The following TMEM184C variants were observed in gnomAD, a reference collection of about 807,000 sequenced individuals.
TMEM184C encodes the protein transmembrane protein 184C.
A neutral mutation model predicts 54.5 loss-of-function variants in TMEM184C; 25 were observed. The observed-to-expected ratio is 0.46, with a 90% CI of 0.33 to 0.64. TMEM184C has a LOEUF of 0.64. Ranked by LOEUF, TMEM184C falls within the 30% of genes least tolerant of loss-of-function variation. The pLI is 0.02. For synonymous variants in TMEM184C, 148 were observed against 181.5 expected, an observed-to-expected ratio of 0.82 and a Z score of 1.49; for missense variants, 335 against 520.3, an observed-to-expected ratio of 0.64 and a Z score of 3.46.
intron 1 of TMEM184C, among the ~76,000 whole-genome samples, chr4:147,623,140 A>C (rs1393304198): frequency 6.6e-6 from 1 of 152,134 alleles, no homozygotes; most frequent in Non-Finnish European, 1.5e-5. Context: ...GAGGAAGAAA[A>C]AGTCCTGTTC....
In TMEM184C at chr4:147,634,466, A is replaced by G. The variant is rs1732976643; in HGVS notation, c.*32A>G. On this transcript the variant is annotated 3_prime_UTR_variant, in exon 10 of 10. Transcript: ENST00000296582. ...TGGAAAAGCAAACTGTGCAACTACT[A>G]CATTATATCATTACCTGGTATCCCA... 1 of 1,598,704 alleles carries G rather than the reference A, an allele frequency of 6.3e-7. No individual in the cohort carries two copies. Among genetic ancestry groups the G allele is most frequent in the African/African-American group, 1.3e-5 (1 of 74,526 alleles).
chr4:147,623,912 T>C lies in TMEM184C; in HGVS notation c.202T>C (p.Leu68=). 11 of 1,613,966 alleles carry C rather than the reference T, an allele frequency of 6.8e-6. No individual in the cohort carries two copies. Among genetic ancestry groups the C allele is most frequent in the Non-Finnish European group, 9.3e-6 (11 of 1,179,858 alleles). ...TATTCCTATATCACTGTGGGTGATATTGCAACACTTAGTGCATTATACACA... is the reference window on the plus strand; with the variant it reads ...TATTCCTATATCACTGTGGGTGATACTGCAACACTTAGTGCATTATACACA... The part of the protein sequence containing the change: ...LTIPISLWVI[L]QHLVHYTQPE... The change falls in exon 2 of 10, where the codon TTG becomes CTG. Residue 68 remains leucine, a synonymous_variant. Transcript: ENST00000296582.
In TMEM184C at chr4:147,634,349, C is replaced by T. The variant is rs1265076700; in HGVS notation, c.1232C>T (p.Pro411Leu). Residue 411 changes from proline (P) to leucine (L), a missense_variant, in exon 10 of 10, where the codon CCT becomes CTT. Transcript: ENST00000296582. ...CACACTGTGACTCCCCAGACTACACCTACCACAGCTAAGATATCTGATGAA... is the reference window on the plus strand; with the variant it reads ...CACACTGTGACTCCCCAGACTACACTTACCACAGCTAAGATATCTGATGAA... ...FGHTVTPQTT[P>L]TTAKISDEIL... The T allele has an allele frequency of 1.2e-6, 2 of 1,614,044 alleles. No individual in the cohort carries two copies. The highest frequency in any genetic ancestry group is 1.7e-6 in the Non-Finnish European group (2 of 1,180,032).
At chr4:147,628,293 A>T in intron 4 of TMEM184C, 68 bp from the exon 5 acceptor site, 1 of 1,243,948 alleles carries the variant, frequency 8.0e-7, no homozygotes. Context: ...TTTAATTTGG[A>T]GGCTTTGGGG....
At chr4:147,629,975 A>C (rs1732886348) in intron 6 of TMEM184C, among the ~76,000 whole-genome samples, 1 of 151,686 alleles carries the variant, frequency 6.6e-6, no homozygotes, top group Admixed American at 6.6e-5. Flanking sequence ...TAGCTGTATG[A>C]GTATGTCATA....
intron 9 of TMEM184C, 84 bp from the exon 10 acceptor site, chr4:147,634,085 G>A (rs1732964857): frequency 3.9e-6 from 6 of 1,533,520 alleles, no homozygotes; most frequent in Non-Finnish European, 4.4e-6. Context: ...AGTGGGAGAG[G>A]GGGAAGTGGG....
chr4:147,629,283 G>T (rs1732867316), intron 5 of TMEM184C, among the ~76,000 whole-genome samples: 2 of 150,722 alleles, frequency 1.3e-5, no homozygotes, highest in Admixed American at 6.6e-5. Context: ...CAGCATAGTT[G>T]TTTTTTTTTA....
At chr4:147,618,239 G>A (rs1644387621) in intron 1 of TMEM184C, among the ~76,000 whole-genome samples, 160 bp downstream of exon 1, 1 of 152,136 alleles carries the variant, frequency 6.6e-6, no homozygotes, top group South Asian at 2.1e-4. Flanking sequence ...TCTTGTTCAC[G>A]GTTCTTCAAG....
rs1733013829 is a variant in TMEM184C, at chr4:147,635,622, T to C, written c.*1188T>C. 1 of 152,230 alleles carries C rather than the reference T, an allele frequency of 6.6e-6. No individual in the cohort carries two copies. The highest frequency in any genetic ancestry group is 2.4e-5 in the African/African-American group (1 of 41,476). 9.4% of individuals were successfully genotyped at this position (152,230 alleles called of 1,614,324 possible). ...ATTTATACACATACTCATTCATATC[T>C]ATCTATATATATAGAGAGAGATAGT... is the stretch of plus-strand genomic sequence containing the variant. On this transcript the variant is annotated 3_prime_UTR_variant, in exon 10 of 10. Transcript: ENST00000296582.
intron 1 of TMEM184C, among the ~76,000 whole-genome samples, chr4:147,619,697 A>C (rs1732671097): frequency 6.6e-6 from 1 of 152,220 alleles, no homozygotes; most frequent in Non-Finnish European, 1.5e-5. Context: ...GCATAATATC[A>C]GTCCAGTTTA....
chr4:147,624,245 T>A (rs529022183), intron 3 of TMEM184C, 147 bp downstream of exon 3: 2 of 612,160 alleles, frequency 3.3e-6, no homozygotes, highest in African/African-American at 3.8e-5. Flanking sequence ...TGATAGAGAA[T>A]ATAAAGTATA....
Position 147,617,947 on chromosome 4 carries a change from G to A in TMEM184C, c.-10G>A. ...TTCCCTTGCTAACCGGATCTGATTTGTGCGAAAACATGCCTTGCACTTGTA... is the reference window on the plus strand; with the variant it reads ...TTCCCTTGCTAACCGGATCTGATTTATGCGAAAACATGCCTTGCACTTGTA... On this transcript the variant is annotated 5_prime_UTR_variant, in exon 1 of 10. The change creates a new upstream start codon in the 5' untranslated region. Transcript: ENST00000296582. 6.2e-7 allele frequency: 1 copy of A among 1,614,008 alleles called. No homozygotes were observed. Among genetic ancestry groups the A allele is most frequent in the African/African-American group, 1.3e-5 (1 of 75,042 alleles).
In TMEM184C at chr4:147,633,778, G is replaced by A. The variant is rs746889489; in HGVS notation, c.893G>A (p.Cys298Tyr). 2 of 1,603,442 alleles carry A rather than the reference G, an allele frequency of 1.2e-6. No individual in the cohort carries two copies. Among genetic ancestry groups the A allele is most frequent in the African/African-American group, 2.7e-5 (2 of 74,554 alleles). The change falls in exon 9 of 10, where the codon TGT (cysteine) becomes TAT (tyrosine). Residue 298 changes from cysteine (C) to tyrosine (Y), a missense_variant. Transcript: ENST00000296582. ...VATGLQDFII[C>Y]IEMFLAAIAH... ...TTGTTCTCATAGGATTTTATTATCT[G>A]TATTGAGATGTTCCTCGCTGCCATT...
At chr4:147,630,380 G>A (rs919474492) in intron 6 of TMEM184C, among the ~76,000 whole-genome samples, 2 of 152,020 alleles carry the variant, frequency 1.3e-5, no homozygotes, top group African/African-American at 2.4e-5. Flanking sequence ...TTTCCCACAT[G>A]TTCATCCTCT....
At chr4:147,628,608 T>C (rs1732857310) in intron 5 of TMEM184C, among the ~76,000 whole-genome samples, 173 bp downstream of exon 5, 1 of 152,184 alleles carries the variant, frequency 6.6e-6, no homozygotes, top group South Asian at 2.1e-4. Context: ...CATGACCATT[T>C]ATAGGCAAAG....
chr4:147,626,163 G>A (rs1478578401), intron 4 of TMEM184C, among the ~76,000 whole-genome samples: 3 of 152,180 alleles, frequency 2.0e-5, no homozygotes, highest in Non-Finnish European at 2.9e-5. Flanking sequence ...CCAGAATCTT[G>A]TAGCCTCCAG....
At chr4:147,633,123 A>G in intron 8 of TMEM184C, 121 bp downstream of exon 8, 3 of 724,268 alleles carry the variant, frequency 4.1e-6, no homozygotes, top group Non-Finnish European at 6.6e-6. Flanking sequence ...TACAGGTGAG[A>G]AAACAGGGGA....
In TMEM184C at chr4:147,628,479, G is replaced by C. The variant is rs776501657; in HGVS notation, c.572+44G>C. ...TATGAACTTTTTTTTTCATCCTTGT[G>C]ATCTTATGTGGGAACAACTAAGTAG... On this transcript the variant is annotated intron_variant, in intron 5 of 9. Transcript: ENST00000296582. 2.0e-6 allele frequency: 3 copies of C among 1,494,312 alleles called. No individual in the cohort carries two copies. In the East Asian group the frequency reaches 6.8e-5, roughly 34 times the overall value. The allele number at this position is 1,494,312 out of a possible 1,614,324, so 92.6% of individuals were successfully genotyped here.
At position 147,624,071 on chromosome 4, in the gene TMEM184C, G is replaced by C; in HGVS notation, c.264G>C (p.Trp88Cys). 6.2e-7 allele frequency: 1 copy of C among 1,607,180 alleles called. No individual in the cohort carries two copies. Among genetic ancestry groups the C allele is most frequent in the African/African-American group, 1.3e-5 (1 of 74,802 alleles). ...ELQKPIIRIL[W>C]MVPIYSLDSW... ...TTTCCTTTTCCAATAGGATTCTTTG[G>C]ATGGTACCTATTTACAGTTTAGATA... is the stretch of plus-strand genomic sequence containing the variant. The change falls in exon 3 of 10, where the codon TGG (tryptophan) becomes TGC (cysteine). Residue 88 changes from tryptophan (W) to cysteine (C), a missense_variant. Transcript: ENST00000296582.
Sources: allele counts gnomAD v4.1 joint callset (sites outside exome capture counted in the v4.1 genomes callset), GRCh38; gene constraint gnomAD v4.1.1; transcripts MANE v1.5; gene names NCBI Gene and HGNC (gene_info 2026-07-23, HGNC 2026-07-21).